Variants in ARFGEF2 observed in about 807,000 individuals in gnomAD.
The protein encoded by ARFGEF2 is ARF guanine nucleotide exchange factor 2.
Under a neutral mutation model 219.9 loss-of-function variants are expected in ARFGEF2, and 74 were observed. The observed-to-expected ratio is 0.34, with a 90% confidence interval of 0.28 to 0.41. The LOEUF is 0.41. ARFGEF2 is among the 10% of genes least tolerant of loss of function. ARFGEF2 has a pLI of 1.00. For synonymous variants in ARFGEF2, 733 were observed against 799.2 expected (o/e 0.92, Z 1.40); for missense variants, 1,743 against 2,218.3 (o/e 0.79, Z 4.30).
intron 1 of ARFGEF2, among the ~76,000 whole-genome samples, chr20:48,938,355 C>T (rs1192328216): frequency 3.9e-5 from 6 of 152,224 alleles, no homozygotes; most frequent in Non-Finnish European, 8.8e-5. Flanking sequence ...TTCTCCATCC[C>T]TTAAAGCAAA....
Position 48,976,188 on chromosome 20 carries a change from C to T in ARFGEF2, c.1947C>T (p.His649=), listed in dbSNP as rs140520386. The change falls in exon 14 of 39, where the codon CAC becomes CAT. Residue 649 remains histidine, a synonymous_variant. Coordinates refer to ENST00000371917, the MANE Select transcript of ARFGEF2 (RefSeq NM_006420.3). Reference sequence around the variant, plus strand: ...AGCAACAAAAAGAAATCATTGAACACGGCATCGAGCTGTGAGTGGGGCTGC... The same window carrying T: ...AGCAACAAAAAGAAATCATTGAACATGGCATCGAGCTGTGAGTGGGGCTGC... ...VIKQQKEIIE[H]GIELFNKKPK... is the part of the protein sequence containing the mutation. The T allele has an allele frequency of 1.4e-4, 228 of 1,613,974 alleles. No individual in the cohort carries two copies. The African/African-American group carries it at 2.1e-3, about 15-fold the overall frequency.
intron 21 of ARFGEF2, among the ~76,000 whole-genome samples, chr20:48,991,914 C>T (rs1190682600): frequency 6.6e-6 from 1 of 152,154 alleles, no homozygotes; most frequent in Non-Finnish European, 1.5e-5. Context: ...CTAGCCCCAA[C>T]TCAAATCTGA....
intron 10 of ARFGEF2, 142 bp downstream of exon 10, chr20:48,971,496 C>A: frequency 3.7e-6 from 3 of 821,548 alleles, no homozygotes; most frequent in Non-Finnish European, 5.8e-6. Flanking sequence ...TCTTACCATC[C>A]TGGAACTCAG....
chr20:48,991,354 G>A (rs562638716), intron 21 of ARFGEF2, among the ~76,000 whole-genome samples, 156 bp downstream of exon 21: 12 of 152,266 alleles, frequency 7.9e-5, no homozygotes, highest in African/African-American at 2.4e-5. Context: ...TGTGAAAGGC[G>A]GGGGCGAGTT....
At chr20:48,983,941 T>C (rs534811197) in intron 14 of ARFGEF2, among the ~76,000 whole-genome samples, 22 of 151,816 alleles carry the variant, frequency 1.4e-4, no homozygotes, top group African/African-American at 5.3e-4. Flanking sequence ...GGGCTGGGCA[T>C]GGTGGCTCAT....
intron 13 of ARFGEF2, among the ~76,000 whole-genome samples, chr20:48,975,658 G>C (rs1246933037): frequency 6.6e-6 from 1 of 151,856 alleles, no homozygotes; most frequent in Non-Finnish European, 1.5e-5. Flanking sequence ...AAAATTAGCC[G>C]GGTGTGGTGG....
chr20:49,016,112 A>C (rs550293464), intron 30 of ARFGEF2, among the ~76,000 whole-genome samples, 168 bp from the exon 31 acceptor site: 1 of 152,262 alleles, frequency 6.6e-6, no homozygotes, highest in South Asian at 2.1e-4. Context: ...TTTTATAAAG[A>C]TCCCTCTGTA....
At chr20:48,927,410 G>A (rs541056954) in intron 1 of ARFGEF2, among the ~76,000 whole-genome samples, 11 of 152,200 alleles carry the variant, frequency 7.2e-5, no homozygotes, top group South Asian at 2.1e-4. Context: ...GTAACGTGGC[G>A]GGGCATGGTG....
In ARFGEF2 at chr20:49,010,199, A is replaced by T. The variant is rs2295579; in HGVS notation, c.3585-33A>T. 0.33 allele frequency: 533,431 copies of T among 1,604,436 alleles called. 91,327 individuals carry two copies. Among genetic ancestry groups the T allele is most frequent in the African/African-American group, 0.54 (40,252 of 74,750 alleles). ...CATTTCTCTTCCCATTCTCCAAAGT[A>T]CAGACGATATGGCCGTCCCATTCTT... On this transcript the variant is annotated intron_variant, in intron 26 of 38. Transcript: ENST00000371917.
chr20:49,028,912 A>G (rs2091618374), intron 37 of ARFGEF2, among the ~76,000 whole-genome samples: 2 of 152,182 alleles, frequency 1.3e-5, no homozygotes, highest in African/African-American at 2.4e-5. Context: ...TGAGCTATGC[A>G]TAGAAACATG....
At chr20:48,982,353 T>A (rs545459302) in intron 14 of ARFGEF2, among the ~76,000 whole-genome samples, 5 of 152,204 alleles carry the variant, frequency 3.3e-5, no homozygotes, top group Non-Finnish European at 7.3e-5. Flanking sequence ...CAAATATTGC[T>A]GCCTGATCCT....
chr20:48,946,491 A>ATT (rs1044433055), intron 3 of ARFGEF2, among the ~76,000 whole-genome samples: 2 of 149,058 alleles, frequency 1.3e-5, no homozygotes, highest in African/African-American at 4.9e-5. Context: ...ATATATATAT[A>ATT]TATATTTTTA....
At chr20:49,007,212 G>A (rs577232259) in intron 26 of ARFGEF2, among the ~76,000 whole-genome samples, 1 of 151,892 alleles carries the variant, frequency 6.6e-6, no homozygotes, top group African/African-American at 2.4e-5. Flanking sequence ...TAAAGGAAGA[G>A]ATGTCAAGGA....
chr20:49,006,344 G>A (rs1197073141), intron 26 of ARFGEF2, among the ~76,000 whole-genome samples: 2 of 151,836 alleles, frequency 1.3e-5, no homozygotes, highest in African/African-American at 4.8e-5. Flanking sequence ...TTTTCATTCA[G>A]CCTTAAATAG....
At position 48,971,311 on chromosome 20, in the gene ARFGEF2, C is replaced by T. The variant is rs570757258; in HGVS notation, c.1382C>T (p.Thr461Ile). 3 of 1,614,204 alleles carry T rather than the reference C, an allele frequency of 1.9e-6. No individual in the cohort carries two copies. The highest frequency in any genetic ancestry group is 1.3e-5 in the African/African-American group (1 of 75,054). Reference sequence around the variant, plus strand: ...GAGCTCTCTCTTGCCATTTTTCTTACTCTTCTTTCAAACTTTAAAATGCAC... The same window carrying T: ...GAGCTCTCTCTTGCCATTTTTCTTATTCTTCTTTCAAACTTTAAAATGCAC... ...VFELSLAIFL[T>I]LLSNFKMHLK... Residue 461 changes from threonine (T) to isoleucine (I), a missense_variant, in exon 10 of 39, where the codon ACT becomes ATT. This residue lies in a region of ARFGEF2 where 666 missense variants were observed against 955.4 expected (regional missense o/e 0.70). Coordinates refer to ENST00000371917, the MANE Select transcript of ARFGEF2 (RefSeq NM_006420.3).
chr20:48,941,292 G>T (rs2090991748), intron 2 of ARFGEF2, 63 bp downstream of exon 2: 1 of 1,544,860 alleles, frequency 6.5e-7, no homozygotes, highest in African/African-American at 1.4e-5. Context: ...GCAACTGGGG[G>T]AGCCTCTTTC....
intron 8 of ARFGEF2, among the ~76,000 whole-genome samples, chr20:48,966,626 A>G (rs1333866049): frequency 6.6e-6 from 1 of 152,166 alleles, no homozygotes; most frequent in Non-Finnish European, 1.5e-5. Flanking sequence ...AACATTCAAA[A>G]TAGGAAGTAA....
chr20:48,999,733 C>T (rs1403377758), intron 25 of ARFGEF2, among the ~76,000 whole-genome samples: 4 of 131,188 alleles, frequency 3.0e-5, no homozygotes, highest in African/African-American at 8.7e-5. Context: ...GGCGACAGAG[C>T]GAGACTCCGT....
intron 21 of ARFGEF2, among the ~76,000 whole-genome samples, chr20:48,993,791 A>G (rs1039585986): frequency 1.3e-5 from 2 of 152,204 alleles, no homozygotes; most frequent in Non-Finnish European, 2.9e-5. Flanking sequence ...CTCCCACTGC[A>G]TGCCTGATGT....
Sources: gnomAD v4.1 joint callset for allele counts (sites outside exome capture counted in the v4.1 genomes callset) on GRCh38, gnomAD v4.1.1 for gene constraint, gnomAD v4.1.1 regional missense constraint, MANE v1.5 for transcripts, NCBI Gene and HGNC (gene_info 2026-07-23, HGNC 2026-07-21) for gene names.